Variants in ARSF observed in about 807,000 individuals in gnomAD.
ARSF encodes arylsulfatase F.
Under a neutral mutation model 35.4 loss-of-function variants are expected in ARSF, and 33 were observed. The ratio of observed to expected loss-of-function variants is 0.93; its 90% CI spans 0.71 to 1.25. The LOEUF (loss-of-function observed/expected upper bound fraction) is 1.25. Ranked by LOEUF, ARSF falls within the 50% of genes most tolerant of loss-of-function variation. ARSF has a pLI of 0.00. For missense variants in ARSF, 501 were observed against 480.2 expected (o/e 1.04, Z -0.40); for synonymous variants, 222 against 193.1 (o/e 1.15, Z -1.24).
At chrX:3,098,067 C>CACACACAA (rs2090349886) in intron 7 of ARSF, among the ~76,000 whole-genome samples, 1 of 107,917 alleles carries the variant, frequency 9.3e-6, no homozygotes, top group Admixed American at 1.0e-4. Context: ...CACACACACA[C>CACACACAA]ACACACACAC....
At chrX:3,060,718 T>C (rs1347931198) in intron 1 of ARSF, among the ~76,000 whole-genome samples, 1 of 111,376 alleles carries the variant, frequency 9.0e-6, no homozygotes, top group African/African-American at 3.3e-5. Context: ...GTATCAGTGA[T>C]TGAAGATCAA....
intron 6 of ARSF, among the ~76,000 whole-genome samples, chrX:3,086,133 G>A (rs1415818258): frequency 8.9e-6 from 1 of 111,864 alleles, no homozygotes; most frequent in Admixed American, 9.6e-5. Context: ...CTTTCCAAAT[G>A]TGCAGAGTTC....
rs764794263 is a variant in ARSF at position 3,089,502 on chromosome X, T to C, written c.837T>C (p.Ser279=). The C allele has an allele frequency of 2.1e-5, 26 of 1,209,633 alleles. No individual in the cohort carries two copies. The highest frequency in any genetic ancestry group is 2.3e-5 in the Non-Finnish European group (21 of 894,895). The change falls in exon 7 of 11, where the codon AGT becomes AGC. Residue 279 remains serine, a synonymous_variant. Coordinates refer to ENST00000381127, the MANE Select transcript of ARSF (RefSeq NM_001201539.2). ...TTCATTGATGTCTTCTCAGGCACAG[T>C]AAGGAAACTTTCCTTCTCTTTTTCT... ...KEAISFLERH[S]KETFLLFFSF...
In ARSF at chrX:3,076,683, C is replaced by A; in HGVS notation, c.283+14C>A. On this transcript the variant is annotated intron_variant, in intron 4 of 10. Coordinates refer to ENST00000381127, the MANE Select transcript of ARSF (RefSeq NM_001201539.2). ...CCATCCGATCAGGTGCGCAAACTGG[C>A]GGGCTCTGCTGGGCTCTGCCCTCAT... 8.3e-7 allele frequency: 1 copy of A among 1,207,911 alleles called. No individual in the cohort carries two copies. The highest frequency in any genetic ancestry group is 1.1e-6 in the Non-Finnish European group (1 of 893,640).
At position 3,062,318 on chromosome X, in the gene ARSF, T is replaced by C. The variant is rs767251868; in HGVS notation, c.-28-5755T>C. 3.9e-4 allele frequency among the ~76,000 whole-genome samples: 44 copies of C among 111,835 alleles called. 1 individual carries two copies. The highest frequency in any genetic ancestry group is 1.9e-3 in the South Asian group (5 of 2,672). On this transcript the variant is annotated intron_variant, in intron 1 of 10. Transcript: ENST00000381127. ...ATTTAAAACAGTGTGTAGAGGGAAA[T>C]TTATAGCACTAAATGCCCACAGAAG...
intron 1 of ARSF, among the ~76,000 whole-genome samples, chrX:3,057,333 A>T (rs2090022758): frequency 8.9e-6 from 1 of 111,847 alleles, no homozygotes; most frequent in Non-Finnish European, 1.9e-5. Context: ...TTACTAGGAC[A>T]CTTGGTCATC....
chrX:3,041,523 T>A lies in ARSF; in HGVS notation c.-169T>A, dbSNP rs772518119. The A allele has an allele frequency of 9.0e-6, 1 of 111,120 alleles. No individual in the cohort carries two copies. Among genetic ancestry groups the A allele is most frequent in the East Asian group, 2.8e-4 (1 of 3,516 alleles). The allele number at this position is 111,120 out of a possible 1,213,427, so 9.2% of individuals were successfully genotyped here. On this transcript the variant is annotated 5_prime_UTR_variant, in exon 1 of 11. Transcript: ENST00000381127. ...CCAGGCTGGTCTCGAACTCCCGACCTCAAGTGATCCGCCGGCCTCGGCCTC... is the reference window on the plus strand; with the variant it reads ...CCAGGCTGGTCTCGAACTCCCGACCACAAGTGATCCGCCGGCCTCGGCCTC...
intron 2 of ARSF, among the ~76,000 whole-genome samples, chrX:3,069,279 A>C (rs925492289): frequency 1.8e-5 from 2 of 110,096 alleles, no homozygotes; most frequent in African/African-American, 6.6e-5. Flanking sequence ...TATTTTATTT[A>C]TTTATTTTTT....
At chrX:3,100,724 G>A (rs932512446) in intron 7 of ARSF, among the ~76,000 whole-genome samples, 1 of 111,188 alleles carries the variant, frequency 9.0e-6, no homozygotes, top group Non-Finnish European at 1.9e-5. Context: ...AGCCACCTGA[G>A]TAGCTGGGAT....
intron 7 of ARSF, among the ~76,000 whole-genome samples, chrX:3,100,317 T>C (rs1034519415): frequency 8.9e-6 from 1 of 112,479 alleles, no homozygotes; most frequent in Non-Finnish European, 1.9e-5. Flanking sequence ...TCTGTAACAA[T>C]GTCTGCCTTC....
intron 3 of ARSF, among the ~76,000 whole-genome samples, chrX:3,072,524 G>A (rs1308895918): frequency 4.5e-5 from 5 of 111,023 alleles, no homozygotes; most frequent in Non-Finnish European, 7.5e-5. Flanking sequence ...CATAGTAAAA[G>A]CATGGCTATC....
intron 7 of ARSF, among the ~76,000 whole-genome samples, chrX:3,090,915 CTT>C (rs374014933): frequency 0.028 from 2,811 of 101,837 alleles, 45 homozygotes; most frequent in Middle Eastern, 0.066. Context: ...GTGCACATGT[CTT>C]TTTTTTTTTT....
At chrX:3,062,474 G>A (rs1163486408) in intron 1 of ARSF, among the ~76,000 whole-genome samples, 2 of 111,559 alleles carry the variant, frequency 1.8e-5, no homozygotes, top group Non-Finnish European at 3.8e-5. Context: ...GAAGGAGATA[G>A]AGACACAAAA....
chrX:3,065,116 T>C (rs1368128596), intron 1 of ARSF, among the ~76,000 whole-genome samples: 1 of 111,083 alleles, frequency 9.0e-6, no homozygotes, highest in African/African-American at 3.3e-5. Flanking sequence ...TAAAAAATGA[T>C]AAGTTAATGT....
chrX:3,056,517 C>T lies in ARSF; in HGVS notation c.-28-11556C>T, dbSNP rs183258621. 4.0e-3 allele frequency among the ~76,000 whole-genome samples: 447 copies of T among 111,045 alleles called. 1 individual carries two copies. The highest frequency in any genetic ancestry group is 0.014 in the African/African-American group (418 of 30,616). On this transcript the variant is annotated intron_variant, in intron 1 of 10. Transcript: ENST00000381127. ...TCTCGAACTCCTGGGCTCAAGCCAT[C>T]TGCTTGCCTCAACTCCCAAAGTGGT...
intron 4 of ARSF, 130 bp downstream of exon 4, chrX:3,076,799 C>G: frequency 1.1e-6 from 1 of 936,146 alleles, no homozygotes; most frequent in Non-Finnish European, 1.4e-6. Flanking sequence ...AATCCCAGAA[C>G]TTCGGGAGGC....
At chrX:3,084,186 T>C (rs1190708331) in intron 5 of ARSF, 57 bp from the exon 6 acceptor site, 1 of 1,141,904 alleles carries the variant, frequency 8.8e-7, no homozygotes, top group Admixed American at 2.2e-5. Context: ...GTTTTTGCAA[T>C]GTGCTGGCAT....
At position 3,089,632 on chromosome X, in the gene ARSF, G is replaced by T. The variant is rs774023179; in HGVS notation, c.967G>T (p.Gly323Cys). 1 of 1,210,394 alleles carries T rather than the reference G, an allele frequency of 8.3e-7. No individual in the cohort carries two copies. Among genetic ancestry groups the T allele is most frequent in the South Asian group, 1.8e-5 (1 of 56,893 alleles). The change falls in exon 7 of 11, where the codon GGC (glycine) becomes TGC (cysteine). Residue 323 changes from glycine (G) to cysteine (C), a missense_variant and splice_region_variant. Physicochemically the swap from Gly to Cys is radical, Grantham distance 159. Transcript: ENST00000381127. ...DNVEEMDSMVGKILDAIDDFG... is the reference protein window; with the variant it reads ...DNVEEMDSMVCKILDAIDDFG... Reference sequence around the variant, plus strand: ...TGTGGAAGAGATGGACTCCATGGTGGGTAAGTCACAGGACTTAAGTGGACA... The same window carrying T: ...TGTGGAAGAGATGGACTCCATGGTGTGTAAGTCACAGGACTTAAGTGGACA...
intron 7 of ARSF, among the ~76,000 whole-genome samples, chrX:3,093,607 G>A (rs1266679685): frequency 1.8e-5 from 2 of 112,190 alleles, no homozygotes; most frequent in Non-Finnish European, 3.8e-5. Flanking sequence ...TTTTATGGCT[G>A]TGTAGTATTC....
Sources: gnomAD v4.1 joint callset for allele counts (sites outside exome capture counted in the v4.1 genomes callset) on GRCh38, gnomAD v4.1.1 for gene constraint, MANE v1.5 for transcripts, NCBI Gene and HGNC (gene_info 2026-07-23, HGNC 2026-07-21) for gene names.